ATP2C2: variants seen among roughly 807,000 people sequenced by gnomAD.
ATP2C2 encodes the protein ATPase secretory pathway Ca2+ transporting 2.
ATP2C2 carries 171 observed loss-of-function variants against 110.8 expected under a neutral mutation model. That is an observed-to-expected ratio of 1.54 (90% CI 1.36 to 1.75). ATP2C2 has a LOEUF of 1.75. Among genes scored for constraint, ATP2C2 ranks in the 40% most tolerant of loss-of-function variants. The pLI, the probability that ATP2C2 is intolerant of heterozygous loss-of-function variation, is 0.00. For missense variants in ATP2C2, 1,963 were observed against 1,235.0 expected (o/e 1.59, Z -8.84); for synonymous variants, 804 against 508.4 (o/e 1.58, Z -7.82).
intron 11 of ATP2C2, among the ~76,000 whole-genome samples, chr16:84,436,397 C>A (rs1201480607): frequency 6.6e-6 from 1 of 152,100 alleles, no homozygotes; most frequent in Non-Finnish European, 1.5e-5. Flanking sequence ...GCCGATTTCA[C>A]GTATTTCCTG....
chr16:84,398,625 G>A lies in ATP2C2; in HGVS notation c.210+16G>A. 5 of 1,574,680 alleles carry A rather than the reference G, an allele frequency of 3.2e-6. No individual in the cohort carries two copies. Among genetic ancestry groups the A allele is most frequent in the Non-Finnish European group, 4.3e-6 (5 of 1,150,740 alleles). On this transcript the variant is annotated intron_variant, in intron 2 of 26. Coordinates refer to ENST00000262429, the MANE Select transcript of ATP2C2 (RefSeq NM_014861.4). Reference sequence around the variant, plus strand: ...AGCGTTTTGTGTAAGAATTGAATTTGCATCTGGAGCTAATTGTGATAAGGT... The same window carrying A: ...AGCGTTTTGTGTAAGAATTGAATTTACATCTGGAGCTAATTGTGATAAGGT...
At chr16:84,403,058 A>G (rs572083039) in intron 2 of ATP2C2, among the ~76,000 whole-genome samples, 4 of 152,180 alleles carry the variant, frequency 2.6e-5, no homozygotes, top group South Asian at 2.1e-4. Context: ...ATATTTTCCA[A>G]TTTATTGGCA....
chr16:84,405,071 G>T (rs1471629934), intron 2 of ATP2C2, 57 bp from the exon 3 acceptor site: 2 of 1,421,396 alleles, frequency 1.4e-6, no homozygotes, highest in South Asian at 1.1e-5. Flanking sequence ...TCTGTACCCT[G>T]TTGCCTCATT....
rs776984696 is a variant in ATP2C2 at position 84,448,737 on chromosome 16, T to C, written c.1660+48T>C. On this transcript the variant is annotated intron_variant, in intron 17 of 26. Coordinates refer to ENST00000262429, the MANE Select transcript of ATP2C2 (RefSeq NM_014861.4). The stretch of plus-strand genomic sequence containing the variant: ...CAGAGCTTTAAGCTTGCATGTAACA[T>C]TGACTTTTAAGTGCATTCAAGCAGG... The C allele has an allele frequency of 5.1e-6, 8 of 1,571,244 alleles. No homozygotes were observed. In the African/African-American group the frequency reaches 9.5e-5, roughly 19 times the overall value.
chr16:84,440,977 A>C lies in ATP2C2; in HGVS notation c.1311+19A>C. The C allele has an allele frequency of 6.3e-7, 1 of 1,583,772 alleles. No homozygotes were observed. The highest frequency in any genetic ancestry group is 8.6e-7 in the Non-Finnish European group (1 of 1,156,572). On this transcript the variant is annotated intron_variant, in intron 14 of 26. Transcript: ENST00000262429. Reference sequence around the variant, plus strand: ...AGTGGAGGTAGGTGTCAAAAGCGCCATGAGGGAAATAGGCATTTACATTGA... The same window carrying C: ...AGTGGAGGTAGGTGTCAAAAGCGCCCTGAGGGAAATAGGCATTTACATTGA...
chr16:84,405,183 A>C lies in ATP2C2; in HGVS notation c.266A>C (p.His89Pro). ...EFSVTQRRLA[H>P]GWNEFVADNS... is the part of the protein sequence containing the mutation. ...TCGGTGACGCAGCGCCGGCTGGCCCATGGCTGGAATGAGTTTGTTGCTGAC... is the reference window on the plus strand; with the variant it reads ...TCGGTGACGCAGCGCCGGCTGGCCCCTGGCTGGAATGAGTTTGTTGCTGAC... Residue 89 changes from histidine (H) to proline (P), a missense_variant, in exon 3 of 27, where the codon CAT becomes CCT. By Grantham distance (77) the His-to-Pro change is moderately conservative. Coordinates refer to ENST00000262429, the MANE Select transcript of ATP2C2 (RefSeq NM_014861.4). The C allele has an allele frequency of 6.2e-7, 1 of 1,614,074 alleles. No homozygotes were observed. The highest frequency in any genetic ancestry group is 8.5e-7 in the Non-Finnish European group (1 of 1,180,008).
At position 84,451,947 on chromosome 16, in the gene ATP2C2, C is replaced by G. The variant is rs367888918; in HGVS notation, c.1687C>G (p.Leu563Val). Residue 563 changes from leucine to valine, a missense_variant, in exon 18 of 27, where the codon CTG becomes GTG. Physicochemically the swap from Leu to Val is conservative, Grantham distance 32 (BLOSUM62 1). Coordinates refer to ENST00000262429, the MANE Select transcript of ATP2C2 (RefSeq NM_014861.4). Reference protein sequence around the residue: ...RVLALASGPELGRLTFLGLVG... With the variant: ...RVLALASGPEVGRLTFLGLVG... Reference sequence around the variant, plus strand: ...GCTGGCCCTGGCTTCTGGGCCCGAGCTGGGGCGGCTGACGTTTCTCGGTCT... The same window carrying G: ...GCTGGCCCTGGCTTCTGGGCCCGAGGTGGGGCGGCTGACGTTTCTCGGTCT... 12 of 1,613,944 alleles carry G rather than the reference C, an allele frequency of 7.4e-6. No individual in the cohort carries two copies. Among genetic ancestry groups the G allele is most frequent in the African/African-American group, 1.3e-5 (1 of 74,902 alleles).
rs572184247 is a variant in ATP2C2, at chr16:84,453,416, C to T, written c.1980+45C>T. 2.0e-5 allele frequency: 33 copies of T among 1,610,016 alleles called. No homozygotes were observed. In the East Asian group the frequency reaches 5.4e-4, roughly 26 times the overall value. ...CACAGGCTGCGCTGCTGGGGCCGGG[C>T]CAGAGACACTGTGGCTCGAGGAGCT... On this transcript the variant is annotated intron_variant, in intron 20 of 26. Transcript: ENST00000262429.
At chr16:84,395,138 T>C (rs1904892752) in intron 1 of ATP2C2, among the ~76,000 whole-genome samples, 1 of 152,068 alleles carries the variant, frequency 6.6e-6, no homozygotes, top group Non-Finnish European at 1.5e-5. Context: ...TACCCTTGGT[T>C]ACAGAGCTGG....
At chr16:84,385,140 C>A (rs1904302457) in intron 1 of ATP2C2, among the ~76,000 whole-genome samples, 1 of 152,138 alleles carries the variant, frequency 6.6e-6, no homozygotes, top group Admixed American at 6.5e-5. Context: ...GCAGGCTGTA[C>A]AGGAAGCACA....
intron 11 of ATP2C2, among the ~76,000 whole-genome samples, chr16:84,435,395 G>T (rs1220898908): frequency 6.6e-6 from 1 of 152,232 alleles, no homozygotes; most frequent in Non-Finnish European, 1.5e-5. Flanking sequence ...CTCACCAGGT[G>T]TTCAGCCAAC....
At chr16:84,430,286 G>A (rs1417053667) in intron 11 of ATP2C2, among the ~76,000 whole-genome samples, 2 of 152,310 alleles carry the variant, frequency 1.3e-5, no homozygotes, top group East Asian at 1.9e-4. Context: ...AGCCAGGGCT[G>A]GGAAGACCCG....
Position 84,422,642 on chromosome 16 carries a change from G to T in ATP2C2, c.788G>T (p.Gly263Val). The T allele has an allele frequency of 6.2e-7, 1 of 1,613,576 alleles. No individual in the cohort carries two copies. The highest frequency in any genetic ancestry group is 8.5e-7 in the Non-Finnish European group (1 of 1,179,794). ...QYGRGQGVVI[G>V]TGESSQFGEV... ...TCCTGGACACAGGGGGTCGTGATTGGAACAGGGGAAAGCTCTCAGTTCGGA... is the reference window on the plus strand; with the variant it reads ...TCCTGGACACAGGGGGTCGTGATTGTAACAGGGGAAAGCTCTCAGTTCGGA... The change falls in exon 9 of 27, where the codon GGA becomes GTA. Residue 263 changes from glycine (G) to valine (V), a missense_variant. Transcript: ENST00000262429.
chr16:84,448,869 C>A (rs1311802431), intron 17 of ATP2C2, among the ~76,000 whole-genome samples, 180 bp downstream of exon 17: 1 of 152,190 alleles, frequency 6.6e-6, no homozygotes, highest in Non-Finnish European at 1.5e-5. Context: ...GAGGTCCCCA[C>A]CTCATCCCAG....
rs531155624 is a variant in ATP2C2 at position 84,431,137 on chromosome 16, C to G, written c.986+5336C>G. Among the ~76,000 whole-genome samples the G allele has an allele frequency of 2.0e-5, 3 of 152,212 alleles. No individual in the cohort carries two copies. The South Asian group carries it at 6.2e-4, about 32-fold the overall frequency. On this transcript the variant is annotated intron_variant, in intron 11 of 26. Coordinates refer to ENST00000262429, the MANE Select transcript of ATP2C2 (RefSeq NM_014861.4). ...AGTGAATGTTAACAATTTAAGCACACATTAATAAAAATAATTACAACTTAT... is the reference window on the plus strand; with the variant it reads ...AGTGAATGTTAACAATTTAAGCACAGATTAATAAAAATAATTACAACTTAT...
chr16:84,439,343 G>A, intron 12 of ATP2C2, 53 bp downstream of exon 12: 1 of 1,613,392 alleles, frequency 6.2e-7, no homozygotes, highest in South Asian at 1.1e-5. Context: ...ATGGGGGCTT[G>A]GCTGTCAGGG....
chr16:84,441,271 ATT>A (rs78457000), intron 14 of ATP2C2, among the ~76,000 whole-genome samples: 1 of 152,142 alleles, frequency 6.6e-6, no homozygotes, highest in Non-Finnish European at 1.5e-5. Context: ...TGTTTCTATT[ATT>A]TTTTTTAAAA....
chr16:84,454,967 T>C lies in ATP2C2; in HGVS notation c.2130T>C (p.Asp710=), dbSNP rs773228361. 53 of 1,613,446 alleles carry C rather than the reference T, an allele frequency of 3.3e-5. No individual in the cohort carries two copies. The highest frequency in any genetic ancestry group is 4.3e-5 in the Non-Finnish European group (51 of 1,179,788). ...KEAANMILVD[D]DFSAIMNAVE... ...CCGCCAACATGATCCTGGTGGATGA[T>C]GACTTCTCAGCCATCATGTAAGCTG... is the stretch of plus-strand genomic sequence containing the variant. The change falls in exon 21 of 27, where the codon GAT becomes GAC. Residue 710 remains aspartate (D), a synonymous_variant. Coordinates refer to ENST00000262429, the MANE Select transcript of ATP2C2 (RefSeq NM_014861.4).
At position 84,425,778 on chromosome 16, in the gene ATP2C2, G is replaced by A; in HGVS notation, c.963G>A (p.Leu321=). ...LIGWSQGKQL[L]SMFTIGVSLA... ...GCTGGTCGCAAGGGAAACAACTCCT[G>A]AGTATGTTCACGATCGGGGTCAGGT... is the stretch of plus-strand genomic sequence containing the variant. Residue 321 remains leucine, a synonymous_variant, in exon 11 of 27, where the codon CTG becomes CTA. Transcript: ENST00000262429. The A allele has an allele frequency of 6.2e-7, 1 of 1,614,124 alleles. No individual in the cohort carries two copies. Among genetic ancestry groups the A allele is most frequent in the Non-Finnish European group, 8.5e-7 (1 of 1,180,030 alleles).
Sources: gnomAD v4.1 joint callset for allele counts (sites outside exome capture counted in the v4.1 genomes callset) on GRCh38, gnomAD v4.1.1 for gene constraint, MANE v1.5 for transcripts, NCBI Gene and HGNC (gene_info 2026-07-23, HGNC 2026-07-21) for gene names.